The following TRIP4 variants were observed in gnomAD, a reference collection of about 807,000 sequenced individuals.
The protein encoded by TRIP4 is activating signal cointegrator 1.
Under a neutral mutation model 81.8 loss-of-function variants are expected in TRIP4, and 54 were observed. The observed-to-expected ratio is 0.66, with a 90% CI of 0.53 to 0.83. TRIP4 has a LOEUF of 0.83. TRIP4 is among the 40% of genes least tolerant of loss of function. The pLI is 0.00. For missense variants in TRIP4, 662 were observed against 683.6 expected, an observed-to-expected ratio of 0.97 and a Z score of 0.35; for synonymous variants, 270 against 242.8, an observed-to-expected ratio of 1.11 and a Z score of -1.04.
chr15:64,432,436 A>AAAAC (rs60410160), intron 11 of TRIP4, among the ~76,000 whole-genome samples: 3 of 151,352 alleles, frequency 2.0e-5, no homozygotes, highest in Admixed American at 1.3e-4. Context: ...CAGCTTGGTG[A>AAAAC]CCATCTCTAC....
In TRIP4 at chr15:64,387,908, G is replaced by C; in HGVS notation, c.45G>C (p.Trp15Cys). 1 of 1,550,720 alleles carries C rather than the reference G, an allele frequency of 6.4e-7. No individual in the cohort carries two copies. Among genetic ancestry groups the C allele is most frequent in the Non-Finnish European group, 8.7e-7 (1 of 1,147,128 alleles). The change falls in exon 1 of 13, where the codon TGG becomes TGC. Residue 15 changes from tryptophan (W) to cysteine (C), a missense_variant. Trp to Cys is a radical substitution (Grantham distance 215, BLOSUM62 -2). Transcript: ENST00000261884. Reference protein sequence around the residue: ...GAVSGEPLVHWCTQQLRKTFG... With the variant: ...GAVSGEPLVHCCTQQLRKTFG... ...TGTCCGGGGAGCCGCTGGTGCACTGGTGCACCCAGCAGTTGCGGAAGACTT... is the reference window on the plus strand; with the variant it reads ...TGTCCGGGGAGCCGCTGGTGCACTGCTGCACCCAGCAGTTGCGGAAGACTT...
At chr15:64,420,778 C>T (rs1332643696) in intron 9 of TRIP4, among the ~76,000 whole-genome samples, 5 of 151,990 alleles carry the variant, frequency 3.3e-5, no homozygotes, top group Admixed American at 6.5e-5. Context: ...GTGATCTGCC[C>T]GCCTCGGCCT....
chr15:64,422,580 A>G (rs374041143), intron 9 of TRIP4, among the ~76,000 whole-genome samples: 1 of 152,178 alleles, frequency 6.6e-6, no homozygotes, highest in Non-Finnish European at 1.5e-5. Context: ...AAAACCTTAG[A>G]TGTCTGTTCT....
At chr15:64,406,198 T>G (rs1306007877) in intron 5 of TRIP4, 132 bp from the exon 6 acceptor site, 1 of 1,087,466 alleles carries the variant, frequency 9.2e-7, no homozygotes, top group Middle Eastern at 2.1e-4. Context: ...TGTACTTGTT[T>G]TCTGTTGAAA....
At chr15:64,404,910 T>A (rs1891589306) in intron 5 of TRIP4, among the ~76,000 whole-genome samples, 1 of 151,984 alleles carries the variant, frequency 6.6e-6, no homozygotes, top group South Asian at 2.1e-4. Flanking sequence ...AGTCTTGAAC[T>A]CCTAGGCTCA....
chr15:64,404,645 C>G (rs1891583881), intron 5 of TRIP4, among the ~76,000 whole-genome samples: 1 of 152,060 alleles, frequency 6.6e-6, no homozygotes, highest in Admixed American at 6.6e-5. Flanking sequence ...GCACATGCCT[C>G]TATGTTTTTT....
intron 8 of TRIP4, among the ~76,000 whole-genome samples, chr15:64,415,990 A>G (rs1263721297): frequency 6.6e-6 from 1 of 152,222 alleles, no homozygotes; most frequent in Non-Finnish European, 1.5e-5. Flanking sequence ...AGTCATTGCA[A>G]TAGCACCATG....
rs377226534 is a variant in TRIP4, at chr15:64,400,861, G to A, written c.697+40G>A. On this transcript the variant is annotated intron_variant, in intron 5 of 12. Coordinates refer to ENST00000261884, the MANE Select transcript of TRIP4 (RefSeq NM_016213.5). ...TGTAATTGGATCACTGGGATGATGG[G>A]TACCTTGTTGCGTCTGTGGTTGTTT... 1.4e-3 allele frequency: 2,023 copies of A among 1,495,462 alleles called. 26 individuals carry two copies. In the South Asian group the frequency reaches 0.022, roughly 16 times the overall value. 92.6% of individuals were successfully genotyped at this position (1,495,462 alleles called of 1,614,324 possible). A position where few individuals can be genotyped will look rare whatever the true frequency, so the allele number is the denominator to read the frequency against.
At chr15:64,425,461 C>G in intron 10 of TRIP4, 79 bp from the exon 11 acceptor site, 1 of 1,207,748 alleles carries the variant, frequency 8.3e-7, no homozygotes, top group East Asian at 2.4e-5. Flanking sequence ...AATGTTTGTT[C>G]AGAATTGAAA....
chr15:64,451,264 C>T (rs1892751111), intron 12 of TRIP4, among the ~76,000 whole-genome samples: 1 of 151,770 alleles, frequency 6.6e-6, no homozygotes, highest in Admixed American at 6.6e-5. Flanking sequence ...AGGCGAGCAC[C>T]ATCACACCCA....
chr15:64,417,286 A>G (rs1952353050), intron 8 of TRIP4, among the ~76,000 whole-genome samples: 1 of 152,056 alleles, frequency 6.6e-6, no homozygotes, highest in Non-Finnish European at 1.5e-5. Context: ...TGCTGGGATT[A>G]CAGACATCGG....
At chr15:64,396,728 G>A (rs1057186643) in intron 3 of TRIP4, among the ~76,000 whole-genome samples, 1 of 152,178 alleles carries the variant, frequency 6.6e-6, no homozygotes, top group Non-Finnish European at 1.5e-5. Flanking sequence ...CAATGCAACA[G>A]TGAACATTCT....
chr15:64,421,411 G>C (rs946251616), intron 9 of TRIP4, among the ~76,000 whole-genome samples: 1 of 149,310 alleles, frequency 6.7e-6, no homozygotes, highest in African/African-American at 2.5e-5. Context: ...ATCTCGGCTT[G>C]CTGCAACCTC....
At position 64,441,083 on chromosome 15, in the gene TRIP4, G is replaced by A. The variant is rs889303459; in HGVS notation, c.1576-3923G>A. 1.3e-4 allele frequency among the ~76,000 whole-genome samples: 19 copies of A among 151,574 alleles called. No homozygotes were observed. The South Asian group carries it at 3.7e-3, about 30-fold the overall frequency. ...GCGATCTCGGCTCACTGCAAGCTCC[G>A]CCTCCCGGGTTCACGCCATTCTCCT... On this transcript the variant is annotated intron_variant, in intron 11 of 12. Coordinates refer to ENST00000261884, the MANE Select transcript of TRIP4 (RefSeq NM_016213.5).
At chr15:64,447,683 C>G (rs1424214000) in intron 12 of TRIP4, among the ~76,000 whole-genome samples, 1 of 152,042 alleles carries the variant, frequency 6.6e-6, no homozygotes, top group Non-Finnish European at 1.5e-5. Flanking sequence ...GCCCAGTAGC[C>G]CTGGAAATCC....
intron 11 of TRIP4, among the ~76,000 whole-genome samples, chr15:64,429,101 G>A (rs1892213821): frequency 6.6e-6 from 1 of 151,744 alleles, no homozygotes; most frequent in Non-Finnish European, 1.5e-5. Flanking sequence ...GATCACTTGA[G>A]GCTAGGAGTT....
intron 11 of TRIP4, among the ~76,000 whole-genome samples, chr15:64,431,013 T>A (rs181884095): frequency 1.8e-4 from 28 of 152,234 alleles, no homozygotes; most frequent in African/African-American, 6.7e-4. Flanking sequence ...CCAAGCAACA[T>A]AGATCTTCAG....
intron 12 of TRIP4, among the ~76,000 whole-genome samples, chr15:64,454,017 A>G (rs886163117): frequency 3.9e-5 from 6 of 152,084 alleles, no homozygotes; most frequent in African/African-American, 1.2e-4. Flanking sequence ...GTTATGCCCA[A>G]TTGCTGCAAC....
intron 5 of TRIP4, among the ~76,000 whole-genome samples, chr15:64,403,554 TG>T (rs1891560427): frequency 6.6e-6 from 1 of 152,230 alleles, no homozygotes; most frequent in African/African-American, 2.4e-5. Context: ...TAGTAGTTTT[TG>T]TTTTATATCG....
Sources: allele counts gnomAD v4.1 joint callset (sites outside exome capture counted in the v4.1 genomes callset), GRCh38; gene constraint gnomAD v4.1.1; transcripts MANE v1.5; gene names NCBI Gene and HGNC (gene_info 2026-07-23, HGNC 2026-07-21).